The following KIAA0232 variants were observed in gnomAD, a reference collection of about 807,000 sequenced individuals.
KIAA0232 encodes uncharacterized protein KIAA0232.
A neutral mutation model predicts 122.0 loss-of-function variants in KIAA0232; 27 were observed. The observed-to-expected ratio is 0.22, with a 90% CI of 0.16 to 0.31. KIAA0232 has a LOEUF of 0.31. Ranked by LOEUF, KIAA0232 falls within the 10% of genes least tolerant of loss-of-function variation. The pLI is 1.00. For missense variants in KIAA0232, 1,551 were observed against 1,634.2 expected (o/e 0.95, Z 0.88); for synonymous variants, 613 against 587.6 (o/e 1.04, Z -0.63).
At chr4:6,858,941 C>T (rs1485254515) in intron 6 of KIAA0232, among the ~76,000 whole-genome samples, 2 of 151,782 alleles carry the variant, frequency 1.3e-5, no homozygotes, top group African/African-American at 4.8e-5. Flanking sequence ...GAAACCCAGT[C>T]TCAAATATTA....
chr4:6,785,263 G>A (rs895008011), intron 1 of KIAA0232, among the ~76,000 whole-genome samples: 2 of 152,218 alleles, frequency 1.3e-5, no homozygotes, highest in African/African-American at 4.8e-5. Context: ...AACACTTCCA[G>A]TGGTAATATA....
intron 1 of KIAA0232, among the ~76,000 whole-genome samples, chr4:6,791,187 T>G (rs1716877944): frequency 1.3e-5 from 2 of 151,808 alleles, no homozygotes; most frequent in Admixed American, 1.3e-4. Flanking sequence ...CCCAAAGTGT[T>G]GGATTACAGG....
At chr4:6,847,306 C>T (rs1365750659) in intron 4 of KIAA0232, among the ~76,000 whole-genome samples, 1 of 152,186 alleles carries the variant, frequency 6.6e-6, no homozygotes, top group Non-Finnish European at 1.5e-5. Flanking sequence ...TGGCTTACTT[C>T]TCTGGCTCCA....
chr4:6,792,580 AGTTTATAAAGGCACAGG>A (rs1051030466), intron 1 of KIAA0232, among the ~76,000 whole-genome samples: 7 of 152,032 alleles, frequency 4.6e-5, no homozygotes, highest in African/African-American at 1.7e-4. Context: ...AAGCTCATAA[AGTTTATAAAGGCACAGG>A]GTTGGCTTTA....
intron 2 of KIAA0232, among the ~76,000 whole-genome samples, chr4:6,811,502 G>A (rs1180280293): frequency 1.3e-5 from 2 of 152,110 alleles, no homozygotes; most frequent in Non-Finnish European, 2.9e-5. Context: ...GAGTGCTTTG[G>A]CATGATCTTG....
At chr4:6,802,253 C>T (rs529542850) in intron 1 of KIAA0232, among the ~76,000 whole-genome samples, 313 of 152,292 alleles carry the variant, frequency 2.1e-3, no homozygotes, top group African/African-American at 7.5e-3. Flanking sequence ...GTAGCCAGGC[C>T]TGTACGCTCT....
intron 5 of KIAA0232, 41 bp downstream of exon 5, chr4:6,857,271 A>G (rs1560196684): frequency 6.6e-7 from 1 of 1,516,020 alleles, no homozygotes; most frequent in African/African-American, 1.4e-5. Context: ...CCAGGATTAC[A>G]TCCCTGAGGA....
intron 3 of KIAA0232, among the ~76,000 whole-genome samples, chr4:6,824,920 G>A (rs1049594640): frequency 2.0e-5 from 3 of 152,172 alleles, no homozygotes; most frequent in African/African-American, 4.8e-5. Context: ...TGTTGGTTAC[G>A]TTTTGGCATA....
intron 4 of KIAA0232, among the ~76,000 whole-genome samples, chr4:6,845,821 G>C (rs558268770): frequency 6.6e-6 from 1 of 152,126 alleles, no homozygotes; most frequent in Non-Finnish European, 1.5e-5. Context: ...AAGATGAAGG[G>C]TATAAAAACC....
At chr4:6,878,583 G>A (rs1367674476) in intron 9 of KIAA0232, among the ~76,000 whole-genome samples, 3 of 152,156 alleles carry the variant, frequency 2.0e-5, no homozygotes, top group African/African-American at 7.2e-5. Context: ...GGTCGTAGCT[G>A]GTATTGATGA....
chr4:6,805,400 A>G (rs1011873184), intron 2 of KIAA0232, among the ~76,000 whole-genome samples: 1 of 152,218 alleles, frequency 6.6e-6, no homozygotes. Flanking sequence ...AACTTTTCAT[A>G]TAGAATTAGA....
Position 6,880,800 on chromosome 4 carries a change from A to T in KIAA0232, c.4022A>T (p.Tyr1341Phe). ...LLDFNRVSSVYEARCTGERDS... is the reference protein window; with the variant it reads ...LLDFNRVSSVFEARCTGERDS... ...TTTTAATCTTAGGTGTCTTCTGTTTATGAAGCAAGATGTACAGGAGAGAGA... is the reference window on the plus strand; with the variant it reads ...TTTTAATCTTAGGTGTCTTCTGTTTTTGAAGCAAGATGTACAGGAGAGAGA... The change falls in exon 10 of 10, where the codon TAT (tyrosine) becomes TTT (phenylalanine). Residue 1341 changes from tyrosine to phenylalanine, a missense_variant. By Grantham distance (22) the Tyr-to-Phe change is conservative (BLOSUM62 3). Around this residue, in one of 5 missense-constraint regions of KIAA0232, gnomAD observed 1,108 missense variants for 1,154.8 expected, o/e 0.96. Transcript: ENST00000307659. The T allele has an allele frequency of 6.5e-7, 1 of 1,547,294 alleles. No homozygotes were observed. Among genetic ancestry groups the T allele is most frequent in the Non-Finnish European group, 8.7e-7 (1 of 1,144,484 alleles).
chr4:6,863,195 A>C lies in KIAA0232; in HGVS notation c.2813A>C (p.Lys938Thr). 6.2e-7 allele frequency: 1 copy of C among 1,614,014 alleles called. No homozygotes were observed. The highest frequency in any genetic ancestry group is 8.5e-7 in the Non-Finnish European group (1 of 1,180,034). ...FILGGVYGEL[K>T]TFNSDGEWAV... is the part of the protein sequence containing the mutation. ...CTTGGAGGAGTTTATGGAGAACTCA[A>C]AACCTTCAATAGTGATGGGGAGTGG... is the stretch of plus-strand genomic sequence containing the variant. Residue 938 changes from lysine (K) to threonine (T), a missense_variant, in exon 7 of 10, where the codon AAA (lysine) becomes ACA (threonine). Around this residue, in one of 5 missense-constraint regions of KIAA0232, gnomAD observed 1,108 missense variants for 1,154.8 expected, o/e 0.96. Coordinates refer to ENST00000307659, the MANE Select transcript of KIAA0232 (RefSeq NM_014743.3).
chr4:6,788,230 C>G (rs1418958097), intron 1 of KIAA0232, among the ~76,000 whole-genome samples: 12 of 152,092 alleles, frequency 7.9e-5, no homozygotes, highest in Non-Finnish European at 1.5e-5. Context: ...GTTGCCTAGA[C>G]TGGCTTCAAA....
chr4:6,805,047 A>G (rs547089909), intron 2 of KIAA0232, among the ~76,000 whole-genome samples: 1 of 152,196 alleles, frequency 6.6e-6, no homozygotes, highest in Non-Finnish European at 1.5e-5. Context: ...ATATTTCCCT[A>G]ATTTATGCAA....
At chr4:6,866,857 C>A (rs553705971) in intron 7 of KIAA0232, among the ~76,000 whole-genome samples, 3 of 152,256 alleles carry the variant, frequency 2.0e-5, no homozygotes, top group African/African-American at 7.2e-5. Flanking sequence ...GTGAAGATGA[C>A]CAACTTGTAC....
At position 6,883,879 on chromosome 4, in the gene KIAA0232, A is replaced by G. The variant is rs1722188415; in HGVS notation, c.*2913A>G. ...ATGTACAGTATATATGAATGCATACACAGAGAAATTTACATTCAAGAGTGT... is the reference window on the plus strand; with the variant it reads ...ATGTACAGTATATATGAATGCATACGCAGAGAAATTTACATTCAAGAGTGT... On this transcript the variant is annotated 3_prime_UTR_variant, in exon 10 of 10. Transcript: ENST00000307659. The G allele has an allele frequency of 6.6e-6, 1 of 152,216 alleles. No individual in the cohort carries two copies. 9.4% of individuals were successfully genotyped at this position (152,216 alleles called of 1,614,324 possible).
intron 4 of KIAA0232, 77 bp from the exon 5 acceptor site, chr4:6,857,087 A>G (rs1720606996): frequency 9.7e-7 from 1 of 1,035,218 alleles, no homozygotes; most frequent in Admixed American, 3.1e-5. Flanking sequence ...AAACCTGTGT[A>G]TTAAAACAAA....
At chr4:6,847,070 A>G (rs925225357) in intron 4 of KIAA0232, among the ~76,000 whole-genome samples, 4 of 152,228 alleles carry the variant, frequency 2.6e-5, no homozygotes, top group South Asian at 2.1e-4. Context: ...AGACAATAAT[A>G]TAGGTTATAT....
Sources: allele counts gnomAD v4.1 joint callset (sites outside exome capture counted in the v4.1 genomes callset), GRCh38; gene constraint gnomAD v4.1.1; regional missense constraint gnomAD v4.1.1; transcripts MANE v1.5; gene names NCBI Gene and HGNC (gene_info 2026-07-23, HGNC 2026-07-21).